The following KCNQ5 variants were observed in gnomAD, a reference collection of about 807,000 sequenced individuals.
The protein encoded by KCNQ5 is potassium voltage-gated channel subfamily Q member 5, also known as potassium voltage-gated channel subfamily KQT member 5.
Under a neutral mutation model 98.2 loss-of-function variants are expected in KCNQ5, and 30 were observed. The observed-to-expected ratio is 0.31, with a 90% CI of 0.23 to 0.41. KCNQ5 has a LOEUF of 0.41. KCNQ5 is among the 10% of genes least tolerant of loss of function. The probability of loss-of-function intolerance (pLI) is 1.00; values close to 1 mark genes in which losing one functional copy is unlikely to be tolerated. For missense variants in KCNQ5, 835 were observed against 1,182.5 expected (o/e 0.71, Z 4.31); for synonymous variants, 458 against 449.4 (o/e 1.02, Z -0.24).
chr6:72,727,644 G>A (rs938224185), intron 1 of KCNQ5, among the ~76,000 whole-genome samples: 1 of 152,142 alleles, frequency 6.6e-6, no homozygotes, highest in Non-Finnish European at 1.5e-5. Flanking sequence ...TTCTGGATTG[G>A]TGTGTTAGTT....
In KCNQ5 at chr6:72,622,223, G is replaced by C; in HGVS notation, c.34G>C (p.Gly12Arg). 4.1e-6 allele frequency: 5 copies of C among 1,233,848 alleles called. No homozygotes were observed. Among genetic ancestry groups the C allele is most frequent in the Non-Finnish European group, 5.1e-6 (5 of 989,842 alleles). The allele number at this position is 1,233,848 out of a possible 1,614,324, so 76.4% of individuals were successfully genotyped here. The change falls in exon 1 of 14, where the codon GGC becomes CGC. Residue 12 changes from glycine to arginine, a missense_variant. Gly to Arg is a moderately radical substitution (Grantham distance 125). This residue lies in a region of KCNQ5 where 80 missense variants were observed against 72.3 expected (regional missense o/e 1.11). Transcript: ENST00000370398. The surrounding 1 kb of genome is among the most constrained non-coding windows in gnomAD (Gnocchi z 6.0). ...CCACCACGCGGGAGGAGAGGAGGGC[G>C]GCGCCGCCGGGCTCTGGGTGAAGAG... ...PRHHAGGEEGGAAGLWVKSGA... is the reference protein window; with the variant it reads ...PRHHAGGEEGRAAGLWVKSGA...
chr6:72,973,212 G>T (rs533189909), intron 1 of KCNQ5, among the ~76,000 whole-genome samples: 30 of 152,224 alleles, frequency 2.0e-4, no homozygotes, highest in African/African-American at 6.7e-4. Context: ...ATATCATATT[G>T]ATAGGCCTAT....
intron 10 of KCNQ5, among the ~76,000 whole-genome samples, chr6:73,166,442 A>T (rs1379883815): frequency 2.4e-3 from 60 of 24,574 alleles, no homozygotes; most frequent in Non-Finnish European, 4.0e-3. Flanking sequence ...TCTCAAAATA[A>T]AAAAAAAAAA....
Position 73,064,474 on chromosome 6 carries a change from G to T in KCNQ5, c.617-12848G>T, listed in dbSNP as rs568871541. On this transcript the variant is annotated intron_variant, in intron 3 of 13. Coordinates refer to ENST00000370398, the MANE Select transcript of KCNQ5 (RefSeq NM_019842.4). Reference sequence around the variant, plus strand: ...ATGGAATTTCATCATAGGATGTTGGGATTTCCAGCAGATGTTTCAAATTTG... The same window carrying T: ...ATGGAATTTCATCATAGGATGTTGGTATTTCCAGCAGATGTTTCAAATTTG... Among the ~76,000 whole-genome samples, 33 of 152,154 alleles carry T rather than the reference G, an allele frequency of 2.2e-4. No homozygotes were observed. In the South Asian group the frequency reaches 5.4e-3, roughly 25 times the overall value.
At chr6:73,137,090 A>G (rs1254014352) in intron 10 of KCNQ5, among the ~76,000 whole-genome samples, 1 of 149,496 alleles carries the variant, frequency 6.7e-6, no homozygotes, top group Non-Finnish European at 1.5e-5. Flanking sequence ...CAATTGAAAG[A>G]TAGTATAATA....
At chr6:72,999,705 T>C (rs1769471376) in intron 1 of KCNQ5, among the ~76,000 whole-genome samples, 1 of 152,144 alleles carries the variant, frequency 6.6e-6, no homozygotes, top group Non-Finnish European at 1.5e-5. Flanking sequence ...TATGATGAAA[T>C]CTATTATTAA....
intron 1 of KCNQ5, among the ~76,000 whole-genome samples, chr6:72,914,146 T>G (rs1156911440): frequency 6.6e-6 from 1 of 152,160 alleles, no homozygotes; most frequent in Non-Finnish European, 1.5e-5. Flanking sequence ...TAGAATGTCC[T>G]GAACCCCCAC....
At chr6:73,063,756 T>C (rs1359729188) in intron 3 of KCNQ5, among the ~76,000 whole-genome samples, 1 of 147,994 alleles carries the variant, frequency 6.8e-6, no homozygotes, top group African/African-American at 2.5e-5. Flanking sequence ...GATAGATAGA[T>C]AGATAGATAT....
chr6:72,983,110 C>T (rs564831627), intron 1 of KCNQ5, among the ~76,000 whole-genome samples: 31 of 152,220 alleles, frequency 2.0e-4, no homozygotes, highest in Non-Finnish European at 3.8e-4. Flanking sequence ...AATATTTTTT[C>T]CTTCATTTCA....
chr6:72,969,460 T>C (rs955666685), intron 1 of KCNQ5, among the ~76,000 whole-genome samples: 1 of 152,186 alleles, frequency 6.6e-6, no homozygotes, highest in African/African-American at 2.4e-5. Context: ...ATGGTTTGTC[T>C]CAGTCATTAG....
chr6:73,026,841 C>A (rs575894840), intron 2 of KCNQ5, among the ~76,000 whole-genome samples: 45 of 150,576 alleles, frequency 3.0e-4, no homozygotes, highest in African/African-American at 1.1e-3. Flanking sequence ...TTTTTCATTC[C>A]AATTTTATAG....
intron 3 of KCNQ5, among the ~76,000 whole-genome samples, chr6:73,074,834 T>G (rs1358222945): frequency 6.6e-6 from 1 of 152,084 alleles, no homozygotes; most frequent in African/African-American, 2.4e-5. Flanking sequence ...TCTGCACCCC[T>G]ACTAGCCATG....
chr6:73,176,232 G>A (rs921801688), intron 11 of KCNQ5, among the ~76,000 whole-genome samples: 9 of 152,190 alleles, frequency 5.9e-5, no homozygotes, highest in African/African-American at 1.9e-4. Context: ...ATTGGATCAT[G>A]GGGGCGGATT....
chr6:72,906,391 A>ACCCT (rs1350472872), intron 1 of KCNQ5, among the ~76,000 whole-genome samples: 1 of 152,048 alleles, frequency 6.6e-6, no homozygotes, highest in Non-Finnish European at 1.5e-5. Context: ...CTGGATTTGC[A>ACCCT]CCCTCCCCTG....
At chr6:72,771,983 GT>G (rs931302153) in intron 1 of KCNQ5, among the ~76,000 whole-genome samples, 1 of 152,016 alleles carries the variant, frequency 6.6e-6, no homozygotes, top group Non-Finnish European at 1.5e-5. Flanking sequence ...ATAGTCTATG[GT>G]TTTCAGCAAA....
Position 73,195,824 on chromosome 6 carries a change from A to G in KCNQ5, c.*410A>G, listed in dbSNP as rs1469565453. 1 of 185,738 alleles carries G rather than the reference A, an allele frequency of 5.4e-6. No homozygotes were observed. Among genetic ancestry groups the G allele is most frequent in the African/African-American group, 2.3e-5 (1 of 42,722 alleles). 11.5% of individuals were successfully genotyped at this position (185,738 alleles called of 1,614,324 possible). ...TTTTCAAGATTAGGCCATAATGTAT[A>G]TTTAAACACAATGGCTATCAACAGC... On this transcript the variant is annotated 3_prime_UTR_variant, in exon 14 of 14. Coordinates refer to ENST00000370398, the MANE Select transcript of KCNQ5 (RefSeq NM_019842.4).
chr6:72,676,591 T>C (rs1767418629), intron 1 of KCNQ5, among the ~76,000 whole-genome samples: 1 of 152,182 alleles, frequency 6.6e-6, no homozygotes, highest in African/African-American at 2.4e-5. Context: ...ATTCTGGTAA[T>C]TAGTATGAAA....
chr6:73,171,479 C>T (rs2150505440), intron 11 of KCNQ5, among the ~76,000 whole-genome samples: 1 of 152,282 alleles, frequency 6.6e-6, no homozygotes, highest in Middle Eastern at 3.4e-3. Context: ...CTGAAGCCTT[C>T]AGTTAAAGGG....
intron 1 of KCNQ5, among the ~76,000 whole-genome samples, chr6:72,633,810 G>A (rs905264631): frequency 6.6e-5 from 10 of 152,208 alleles, no homozygotes; most frequent in Non-Finnish European, 1.0e-4. Flanking sequence ...AATAAATGGT[G>A]CTGGGATAAC....
Sources: allele counts gnomAD v4.1 joint callset (sites outside exome capture counted in the v4.1 genomes callset), GRCh38; gene constraint gnomAD v4.1.1; regional missense constraint gnomAD v4.1.1; non-coding constraint Gnocchi (gnomAD v3.1); transcripts MANE v1.5; gene names NCBI Gene and HGNC (gene_info 2026-07-23, HGNC 2026-07-21).